The following MYO5B variants were observed in gnomAD, a reference collection of about 807,000 sequenced individuals.
MYO5B encodes the protein unconventional myosin-Vb.
A neutral mutation model predicts 229.3 loss-of-function variants in MYO5B; 143 were observed. The observed-to-expected ratio is 0.62, with a 90% CI of 0.54 to 0.72. The LOEUF (loss-of-function observed/expected upper bound fraction) is 0.72, where lower values mean the gene tolerates loss of function less well. Ranked by LOEUF, MYO5B falls within the 30% of genes least tolerant of loss-of-function variation. MYO5B has a pLI of 0.00. For synonymous variants in MYO5B, 918 were observed against 885.2 expected, an observed-to-expected ratio of 1.04 and a Z score of -0.66; for missense variants, 2,321 against 2,331.0, an observed-to-expected ratio of 1.00 and a Z score of 0.09.
At chr18:49,935,260 G>A (rs184076326) in intron 16 of MYO5B, among the ~76,000 whole-genome samples, 150 of 152,238 alleles carry the variant, frequency 9.9e-4, no homozygotes, top group Non-Finnish European at 1.7e-3. Flanking sequence ...CTAGCACCTC[G>A]GGGTATCCAA....
chr18:50,165,476 T>C (rs2144326036), intron 1 of MYO5B, among the ~76,000 whole-genome samples: 1 of 135,286 alleles, frequency 7.4e-6, no homozygotes, highest in South Asian at 2.5e-4. Flanking sequence ...TAAGACTGTG[T>C]TTCAAAAAAT....
At chr18:49,964,989 T>C (rs1011188065) in intron 10 of MYO5B, among the ~76,000 whole-genome samples, 1 of 152,174 alleles carries the variant, frequency 6.6e-6, no homozygotes, top group East Asian at 1.9e-4. Flanking sequence ...TTCCGAAGGA[T>C]GTCAAGTTAA....
chr18:49,934,888 A>G (rs1338254900), intron 16 of MYO5B, among the ~76,000 whole-genome samples: 1 of 152,194 alleles, frequency 6.6e-6, no homozygotes, highest in Non-Finnish European at 1.5e-5. Context: ...AAAATTGTCA[A>G]AGTAAGTTAT....
chr18:49,966,961 A>G (rs150756383), intron 10 of MYO5B, among the ~76,000 whole-genome samples: 24 of 152,364 alleles, frequency 1.6e-4, no homozygotes, highest in African/African-American at 5.8e-4. Flanking sequence ...CCATCAACAG[A>G]GAAGACTTTT....
chr18:49,953,288 T>C lies in MYO5B; in HGVS notation c.1724A>G (p.Glu575Gly). The change falls in exon 14 of 40, where the codon GAG becomes GGG. Residue 575 changes from glutamate to glycine, a missense_variant. Physicochemically the swap from Glu to Gly is moderately conservative, Grantham distance 98. Around this residue, in one of 2 missense-constraint regions of MYO5B, gnomAD observed 2,113 missense variants for 2,044.7 expected, o/e 1.03. Coordinates refer to ENST00000285039, the MANE Select transcript of MYO5B (RefSeq NM_001080467.3). ...LEKNRDTVYE[E>G]QINILKASKF... ...GCTGGCCTTCAGGATATTGATCTGC[T>C]CTTCATACACCGTGTCTCTGTTTTT... The C allele has an allele frequency of 6.2e-7, 1 of 1,614,136 alleles. No homozygotes were observed. Among genetic ancestry groups the C allele is most frequent in the Non-Finnish European group, 8.5e-7 (1 of 1,180,008 alleles).
intron 1 of MYO5B, among the ~76,000 whole-genome samples, chr18:50,152,185 A>G (rs72921721): frequency 0.075 from 11,353 of 152,238 alleles, 485 homozygotes; most frequent in East Asian, 0.19. Context: ...CCGAGTCCCA[A>G]TGGTGCCTCC....
At chr18:50,009,133 C>T (rs4939929) in intron 4 of MYO5B, among the ~76,000 whole-genome samples, 148,367 of 152,182 alleles carry the variant, frequency 0.97, 72,448 homozygotes, top group East Asian at 1. Flanking sequence ...ATCACAGCAC[C>T]TTGGGAGGCT....
At chr18:50,068,121 A>G (rs2030869158) in intron 1 of MYO5B, among the ~76,000 whole-genome samples, 1 of 152,228 alleles carries the variant, frequency 6.6e-6, no homozygotes, top group African/African-American at 2.4e-5. Context: ...CTGGGACAAC[A>G]TAAGCAAACC....
chr18:49,841,594 C>G, intron 34 of MYO5B, 140 bp from the exon 35 acceptor site: 1 of 775,006 alleles, frequency 1.3e-6, no homozygotes, highest in Non-Finnish European at 2.2e-6. Context: ...ACTTGCCAGT[C>G]ACGGGGTTGA....
At chr18:49,973,880 C>T (rs1359890512) in intron 10 of MYO5B, among the ~76,000 whole-genome samples, 1 of 152,216 alleles carries the variant, frequency 6.6e-6, no homozygotes, top group African/African-American at 2.4e-5. Context: ...CACAAATCTG[C>T]ACAGCCCTGG....
chr18:50,077,146 G>A (rs2031098361), intron 1 of MYO5B, among the ~76,000 whole-genome samples: 1 of 125,798 alleles, frequency 7.9e-6, no homozygotes, highest in Non-Finnish European at 1.6e-5. Context: ...TTTTTGCTTA[G>A]GGTTAATTTA....
At chr18:50,193,228 G>A (rs920026349) in intron 1 of MYO5B, among the ~76,000 whole-genome samples, 9 of 152,220 alleles carry the variant, frequency 5.9e-5, no homozygotes, top group African/African-American at 1.7e-4. Flanking sequence ...GTGGGGTGCC[G>A]TTCCAGGGCC....
At chr18:49,836,656 T>G (rs2023990196) in intron 38 of MYO5B, 55 bp downstream of exon 38, 1 of 1,598,860 alleles carries the variant, frequency 6.3e-7, no homozygotes, top group South Asian at 1.1e-5. Flanking sequence ...AGACTTGGAA[T>G]GGACTCAGGG....
intron 9 of MYO5B, among the ~76,000 whole-genome samples, 164 bp from the exon 10 acceptor site, chr18:49,974,779 T>TCACACACACACACACACACACACA (rs111420791): frequency 8.5e-5 from 10 of 117,018 alleles, no homozygotes; most frequent in South Asian, 2.9e-4. Context: ...GCAGTCTCTC[T>TCACACACACACACACACACACACA]CACACACACA....
chr18:50,111,426 A>C (rs188693200), intron 1 of MYO5B, among the ~76,000 whole-genome samples: 1 of 152,252 alleles, frequency 6.6e-6, no homozygotes, highest in Non-Finnish European at 1.5e-5. Flanking sequence ...ATTATAATTT[A>C]AACTAGTAGG....
chr18:49,878,556 A>ATCTC, intron 24 of MYO5B, among the ~76,000 whole-genome samples: 1 of 152,310 alleles, frequency 6.6e-6, no homozygotes, highest in Non-Finnish European at 1.5e-5. Flanking sequence ...TGTATACTGC[A>ATCTC]TCTCATCAGA....
intron 39 of MYO5B, among the ~76,000 whole-genome samples, chr18:49,827,564 G>T (rs1243443413): frequency 6.6e-6 from 1 of 152,116 alleles, no homozygotes; most frequent in African/African-American, 2.4e-5. Context: ...TTTAACCGCA[G>T]ACTTGAGCAG....
chr18:50,125,785 A>AT (rs1255456982), intron 1 of MYO5B, among the ~76,000 whole-genome samples: 1 of 152,256 alleles, frequency 6.6e-6, no homozygotes, highest in Non-Finnish European at 1.5e-5. Context: ...TCAGTGGATC[A>AT]ACAAGCAGAC....
chr18:49,962,871 G>A, intron 11 of MYO5B, 78 bp downstream of exon 11: 4 of 1,238,846 alleles, frequency 3.2e-6, no homozygotes, highest in South Asian at 1.2e-5. Context: ...CACCTCAGAG[G>A]AAGAGAAGTG....
Sources: allele counts gnomAD v4.1 joint callset (sites outside exome capture counted in the v4.1 genomes callset), GRCh38; gene constraint gnomAD v4.1.1; regional missense constraint gnomAD v4.1.1; transcripts MANE v1.5; gene names NCBI Gene and HGNC (gene_info 2026-07-23, HGNC 2026-07-21).